TIAM1: variants seen among roughly 807,000 people sequenced by gnomAD.
The protein encoded by TIAM1 is rho guanine nucleotide exchange factor TIAM1.
Under a neutral mutation model 163.5 loss-of-function variants are expected in TIAM1, and 65 were observed. That is an observed-to-expected ratio of 0.40 (90% CI 0.33 to 0.49). The LOEUF is 0.49. Ranked by LOEUF, TIAM1 falls within the 20% of genes least tolerant of loss-of-function variation. The pLI, the probability that TIAM1 is intolerant of heterozygous loss-of-function variation, is 0.77. For missense variants in TIAM1, 1,789 were observed against 2,044.7 expected, an observed-to-expected ratio of 0.87 and a Z score of 2.41; for synonymous variants, 833 against 810.1, an observed-to-expected ratio of 1.03 and a Z score of -0.48.
chr21:31,162,177 C>T (rs923870653), intron 16 of TIAM1, among the ~76,000 whole-genome samples: 10 of 152,172 alleles, frequency 6.6e-5, no homozygotes, highest in Non-Finnish European at 1.5e-4. Flanking sequence ...GTGTGACCTT[C>T]AGCAAGTCGC....
rs150254507 is a variant in TIAM1, at chr21:31,322,661, T to C, written c.-189+16582A>G. Among the ~76,000 whole-genome samples the C allele has an allele frequency of 1.3e-3, 203 of 152,322 alleles. 2 individuals carry two copies. Among genetic ancestry groups the C allele is most frequent in the Admixed American group, 8.3e-3 (127 of 15,308 alleles). On this transcript the variant is annotated intron_variant, in intron 2 of 27. Transcript: ENST00000541036. Reference sequence around the variant, plus strand: ...CTGCCTGTCTCTGTGTCACGATGCATTGACTTTTCTGTCACCTCCGCCACA... The same window carrying C: ...CTGCCTGTCTCTGTGTCACGATGCACTGACTTTTCTGTCACCTCCGCCACA...
chr21:31,543,866 C>T (rs2048399963), intron 1 of TIAM1, among the ~76,000 whole-genome samples: 1 of 152,188 alleles, frequency 6.6e-6, no homozygotes, highest in Non-Finnish European at 1.5e-5. Context: ...GAAAATCAAG[C>T]TTCTTAGCAC....
chr21:31,140,678 G>A (rs1036548163), intron 22 of TIAM1, among the ~76,000 whole-genome samples: 1 of 152,130 alleles, frequency 6.6e-6, no homozygotes, highest in African/African-American at 2.4e-5. Context: ...TTCTAAGTAG[G>A]TTTTTGGGTA....
At chr21:31,323,220 G>A (rs191326752) in intron 2 of TIAM1, among the ~76,000 whole-genome samples, 63 of 151,020 alleles carry the variant, frequency 4.2e-4, no homozygotes, top group Non-Finnish European at 6.7e-4. Flanking sequence ...CCCGGGAGGC[G>A]GAGCTTGCAG....
rs186495461 is a variant in TIAM1, at chr21:31,160,190, T to C, written c.2991+4772A>G. Among the ~76,000 whole-genome samples, 4 of 152,276 alleles carry C rather than the reference T, an allele frequency of 2.6e-5. No homozygotes were observed. The East Asian group carries it at 7.7e-4, about 29-fold the overall frequency. On this transcript the variant is annotated intron_variant, in intron 16 of 27. Coordinates refer to ENST00000541036, the MANE Select transcript of TIAM1 (RefSeq NM_001353694.2). ...ATGCAGATTACATCTTTCTGCCATT[T>C]AAGTATAAAAGAGTAGAAAAATGTA...
intron 1 of TIAM1, among the ~76,000 whole-genome samples, chr21:31,539,455 C>T (rs973365700): frequency 2.0e-5 from 3 of 151,402 alleles, no homozygotes; most frequent in East Asian, 1.9e-4. Context: ...TTAGTAGAGA[C>T]GGGGTTTCAC....
chr21:31,440,064 C>T (rs1236975283), intron 2 of TIAM1, among the ~76,000 whole-genome samples: 2 of 152,116 alleles, frequency 1.3e-5, no homozygotes, highest in East Asian at 3.8e-4. Flanking sequence ...AAAAATAGTA[C>T]TCATACCTCC....
intron 2 of TIAM1, among the ~76,000 whole-genome samples, chr21:31,372,209 G>A (rs1213995502): frequency 6.6e-6 from 1 of 152,136 alleles, no homozygotes; most frequent in Non-Finnish European, 1.5e-5. Flanking sequence ...CATTAAAAAT[G>A]TAGGAAAACA....
intron 2 of TIAM1, among the ~76,000 whole-genome samples, chr21:31,284,521 T>A (rs2073713263): frequency 6.6e-6 from 1 of 151,972 alleles, no homozygotes; most frequent in African/African-American, 2.4e-5. Context: ...GGAATTTTTT[T>A]ATTTTTTATT....
intron 2 of TIAM1, among the ~76,000 whole-genome samples, chr21:31,436,712 C>T (rs1028500589): frequency 6.6e-6 from 1 of 152,054 alleles, no homozygotes; most frequent in African/African-American, 2.4e-5. Flanking sequence ...AATTCCAGCA[C>T]TTTGGGAGGC....
intron 2 of TIAM1, among the ~76,000 whole-genome samples, chr21:31,356,861 A>T (rs1405881996): frequency 1.3e-5 from 2 of 152,206 alleles, no homozygotes; most frequent in Non-Finnish European, 2.9e-5. Context: ...CAGGCCTGTA[A>T]TCTTAGCACT....
chr21:31,206,484 A>G (rs2086458647), intron 11 of TIAM1, among the ~76,000 whole-genome samples: 1 of 152,178 alleles, frequency 6.6e-6, no homozygotes, highest in South Asian at 2.1e-4. Flanking sequence ...TCAAGTGAAA[A>G]CTCAAAAGAA....
At position 31,120,411 on chromosome 21, in the gene TIAM1, C is replaced by T. The variant is rs373551396; in HGVS notation, c.4733G>A (p.Arg1578His). 43 of 1,613,604 alleles carry T rather than the reference C, an allele frequency of 2.7e-5. No homozygotes were observed. Among genetic ancestry groups the T allele is most frequent in the East Asian group, 1.8e-4 (8 of 44,886 alleles). ...TTTCCTGGAGGGGGCAAAGTCTTCA[C>T]GCCTAACCCAAATGACTTCCTCGCT... ...SASEEVIWVR[R>H]EDFAPSRKLN... The change falls in exon 28 of 28, where the codon CGT becomes CAT. Residue 1578 changes from arginine (R) to histidine (H), a missense_variant. Physicochemically the swap from Arg to His is conservative, Grantham distance 29 (BLOSUM62 0). Around this residue, in one of 5 missense-constraint regions of TIAM1, gnomAD observed 415 missense variants for 439.2 expected, o/e 0.94. Coordinates refer to ENST00000541036, the MANE Select transcript of TIAM1 (RefSeq NM_001353694.2). The surrounding 1 kb of genome is among the most constrained non-coding windows in gnomAD (Gnocchi z 4.2).
At chr21:31,308,002 G>C (rs916736308) in intron 2 of TIAM1, among the ~76,000 whole-genome samples, 1 of 152,204 alleles carries the variant, frequency 6.6e-6, no homozygotes, top group African/African-American at 2.4e-5. Flanking sequence ...GGAGGCCAAG[G>C]CAGGCAGATC....
Position 31,141,976 on chromosome 21 carries a change from C to CCATT in TIAM1, c.3476-476_3476-473dup, listed in dbSNP as rs2082868057. On this transcript the variant is annotated intron_variant, in intron 20 of 27. Transcript: ENST00000541036. The surrounding 1 kb of genome is among the most constrained non-coding windows in gnomAD (Gnocchi z 4.7). ...TCTGAGGCTCTTACACCCTGGGCCA[C>CCATT]CATTCCCCTGTCCTAATCATCTCAG... is the stretch of plus-strand genomic sequence containing the variant. 6.6e-6 allele frequency among the ~76,000 whole-genome samples: 1 copy of CCATT among 152,124 alleles called. No individual in the cohort carries two copies. Among genetic ancestry groups the CCATT allele is most frequent in the Non-Finnish European group, 1.5e-5 (1 of 68,030 alleles).
chr21:31,528,512 T>A (rs1206195128), intron 1 of TIAM1, among the ~76,000 whole-genome samples: 1 of 149,570 alleles, frequency 6.7e-6, no homozygotes, highest in African/African-American at 2.5e-5. Flanking sequence ...AAATAAAAAT[T>A]AAAATAAATA....
At chr21:31,335,727 A>C (rs1239032854) in intron 2 of TIAM1, among the ~76,000 whole-genome samples, 1 of 152,086 alleles carries the variant, frequency 6.6e-6, no homozygotes, top group African/African-American at 2.4e-5. Flanking sequence ...AAAAAGAAAG[A>C]AACTCAAGAG....
intron 2 of TIAM1, among the ~76,000 whole-genome samples, chr21:31,434,940 G>A (rs1022168005): frequency 2.0e-5 from 3 of 152,206 alleles, no homozygotes; most frequent in East Asian, 1.9e-4. Context: ...CTTAGTAAAC[G>A]AATGAAGTAT....
chr21:31,539,735 T>C (rs938485653), intron 1 of TIAM1, among the ~76,000 whole-genome samples: 1 of 152,162 alleles, frequency 6.6e-6, no homozygotes, highest in Non-Finnish European at 1.5e-5. Flanking sequence ...CCCAGCCACA[T>C]AAGCACCCAA....
Sources: allele counts gnomAD v4.1 joint callset (sites outside exome capture counted in the v4.1 genomes callset), GRCh38; gene constraint gnomAD v4.1.1; regional missense constraint gnomAD v4.1.1; non-coding constraint Gnocchi (gnomAD v3.1); transcripts MANE v1.5; gene names NCBI Gene and HGNC (gene_info 2026-07-23, HGNC 2026-07-21).